Variants in APOL5 observed in about 807,000 individuals in gnomAD.
APOL5 encodes the protein apolipoprotein L, 5.
In APOL5, 29 loss-of-function variants were observed where a neutral mutation model predicts 35.5. That is an observed-to-expected ratio of 0.82 (90% CI 0.61 to 1.11). The LOEUF (loss-of-function observed/expected upper bound fraction) is 1.11, where lower values mean the gene tolerates loss of function less well. Among genes scored for constraint, APOL5 ranks in the 50% most tolerant of loss-of-function variants. The pLI is 0.00. For missense variants in APOL5, 514 were observed against 530.4 expected (o/e 0.97, Z 0.30); for synonymous variants, 188 against 200.2 (o/e 0.94, Z 0.51).
the APOL5 span, among the ~76,000 whole-genome samples, chr22:35,710,979 C>G: frequency 6.6e-6 from 1 of 152,202 alleles, no homozygotes; most frequent in Admixed American, 6.5e-5. Flanking sequence ...CCAGACTGGC[C>G]AACGTGGTGA....
At position 35,726,878 on chromosome 22, in the gene APOL5, C is replaced by T; in HGVS notation, c.810C>T (p.Phe270=). The part of the protein sequence containing the change: ...KNFVAKRHIP[F]WTARGVQRAF... ...TTGTGGCCAAGAGACACATCCCTTT[C>T]TGGACGGCTAGAGGGGTGCAGAGAG... is the stretch of plus-strand genomic sequence containing the variant. The change falls in exon 3 of 5, where the codon TTC becomes TTT. Residue 270 remains phenylalanine (F), a synonymous_variant. Coordinates refer to ENST00000249044, the MANE Select transcript of APOL5 (RefSeq NM_030642.1). The T allele has an allele frequency of 6.2e-7, 1 of 1,614,212 alleles. No individual in the cohort carries two copies.
At chr22:35,728,487 G>A (rs1293167811) in intron 3 of APOL5, among the ~76,000 whole-genome samples, 1 of 152,160 alleles carries the variant, frequency 6.6e-6, no homozygotes, top group African/African-American at 2.4e-5. Flanking sequence ...CCTCCCAAAG[G>A]GCTGGGATTA....
Position 35,726,935 on chromosome 22 carries a change from T to A in APOL5, c.867T>A (p.Asn289Lys). The change falls in exon 3 of 5, where the codon AAT becomes AAA. Residue 289 changes from asparagine to lysine, a missense_variant. Asn to Lys is a moderately conservative substitution (Grantham distance 94, BLOSUM62 0). This residue lies in a region of APOL5 where 238 missense variants were observed against 229.1 expected (regional missense o/e 1.04). Coordinates refer to ENST00000249044, the MANE Select transcript of APOL5 (RefSeq NM_030642.1). ...AFEGTTLAMT[N>K]GAWVMGAAGA... ...AGGGCACAACTCTGGCCATGACCAATGGTGCCTGGGTGATGGGTGCTGCTG... is the reference window on the plus strand; with the variant it reads ...AGGGCACAACTCTGGCCATGACCAAAGGTGCCTGGGTGATGGGTGCTGCTG... The A allele has an allele frequency of 6.2e-7, 1 of 1,614,178 alleles. No individual in the cohort carries two copies.
At chr22:35,728,311 C>A (rs1159376354) in intron 3 of APOL5, among the ~76,000 whole-genome samples, 1 of 152,196 alleles carries the variant, frequency 6.6e-6, no homozygotes, top group Non-Finnish European at 1.5e-5. Flanking sequence ...GCAAGCTCCG[C>A]CTCCCGGGTT....
intron 2 of APOL5, among the ~76,000 whole-genome samples, chr22:35,722,935 G>T (rs1927024319): frequency 6.6e-6 from 1 of 152,112 alleles, no homozygotes; most frequent in South Asian, 2.1e-4. Context: ...CTAAAACTTA[G>T]GTTGGAGAGG....
chr22:35,728,227 T>C (rs1239627438), intron 3 of APOL5, among the ~76,000 whole-genome samples: 1 of 152,236 alleles, frequency 6.6e-6, no homozygotes, highest in Admixed American at 6.5e-5. Context: ...TTTTGTTTTT[T>C]ATTTTTTATT....
rs569351551 is a variant in APOL5 at position 35,726,137 on chromosome 22, G to A, written c.143-74G>A. 1.5e-4 allele frequency: 229 copies of A among 1,526,966 alleles called. No individual in the cohort carries two copies. In the African/African-American group the frequency reaches 2.4e-3, roughly 16 times the overall value. The allele number at this position is 1,526,966 out of a possible 1,614,324, so 94.6% of individuals were successfully genotyped here. On this transcript the variant is annotated intron_variant, in intron 2 of 4. Coordinates refer to ENST00000249044, the MANE Select transcript of APOL5 (RefSeq NM_030642.1). ...TTAGAATTTTTGCAAAGGTGGTTTC[G>A]ACATTGTACCTCGATTCTCAGGGCT...
At chr22:35,722,500 C>T (rs1032660748) in intron 2 of APOL5, among the ~76,000 whole-genome samples, 7 of 152,152 alleles carry the variant, frequency 4.6e-5, no homozygotes, top group African/African-American at 1.7e-4. Flanking sequence ...AGGGTTTCAC[C>T]ACGTTGGCCA....
At chr22:35,717,117 G>A (rs1926770543), upstream of APOL5, among the ~76,000 whole-genome samples, 1 of 150,956 alleles carries the variant, frequency 6.6e-6, no homozygotes, top group African/African-American at 2.4e-5. Flanking sequence ...CAGGTGCAGT[G>A]GCTCACACCT....
Position 35,718,473 on chromosome 22 carries a change from G to C in APOL5, c.55+547G>C, listed in dbSNP as rs1926839675. ...TCTCTATTAAAAATACAAAAAATTA[G>C]CCAGGCTGGTAGTGCACACCTGTAG... On this transcript the variant is annotated intron_variant, in intron 1 of 4. Transcript: ENST00000249044. Among the ~76,000 whole-genome samples the C allele has an allele frequency of 1.3e-5, 2 of 150,980 alleles. 1 individual carries two copies. The highest frequency in any genetic ancestry group is 6.9e-3 in the Middle Eastern group (2 of 288).
chr22:35,724,219 T>C (rs1927069984), intron 2 of APOL5, among the ~76,000 whole-genome samples: 1 of 151,168 alleles, frequency 6.6e-6, no homozygotes, highest in Non-Finnish European at 1.5e-5. Flanking sequence ...TAGTCCCAGC[T>C]GCTGGAGAAG....
rs1485664212 is a variant in APOL5 at position 35,727,007 on chromosome 22, C to G, written c.939C>G (p.Ser313Arg). 3 of 1,613,976 alleles carry G rather than the reference C, an allele frequency of 1.9e-6. No individual in the cohort carries two copies. The highest frequency in any genetic ancestry group is 2.5e-6 in the Non-Finnish European group (3 of 1,179,990). ...LMKDMSSFLQ[S>R]WKHLEDGART... ...AAGACATGAGCAGCTTCCTGCAGAGCTGGAAGCACCTGGAGGATGGGGCAA... is the reference window on the plus strand; with the variant it reads ...AAGACATGAGCAGCTTCCTGCAGAGGTGGAAGCACCTGGAGGATGGGGCAA... The change falls in exon 3 of 5, where the codon AGC becomes AGG. Residue 313 changes from serine to arginine, a missense_variant. By Grantham distance (110) the Ser-to-Arg change is moderately radical. Around this residue, in one of 3 missense-constraint regions of APOL5, gnomAD observed 238 missense variants for 229.1 expected, o/e 1.04. Coordinates refer to ENST00000249044, the MANE Select transcript of APOL5 (RefSeq NM_030642.1).
upstream of APOL5, among the ~76,000 whole-genome samples, chr22:35,713,403 T>A (rs1407772260): frequency 6.6e-5 from 10 of 152,242 alleles, no homozygotes; most frequent in East Asian, 1.9e-3. Flanking sequence ...CCCTGCACCC[T>A]CTCTCTGGGG....
chr22:35,727,075 T>G lies in APOL5; in HGVS notation c.1007T>G (p.Leu336Arg). The G allele has an allele frequency of 6.2e-7, 1 of 1,613,258 alleles. No individual in the cohort carries two copies. ...AEELRALAKK[L>R]EQELDRLTQH... Reference sequence around the variant, plus strand: ...GAACTGAGAGCACTTGCTAAGAAGCTGGAGCAGGAGCTGGACCGGCTCACC... The same window carrying G: ...GAACTGAGAGCACTTGCTAAGAAGCGGGAGCAGGAGCTGGACCGGCTCACC... The change falls in exon 3 of 5, where the codon CTG becomes CGG. Residue 336 changes from leucine to arginine, a missense_variant. Physicochemically the swap from Leu to Arg is moderately radical, Grantham distance 102 (BLOSUM62 -2). Coordinates refer to ENST00000249044, the MANE Select transcript of APOL5 (RefSeq NM_030642.1).
chr22:35,713,138 C>T (rs1417043811), upstream of APOL5, among the ~76,000 whole-genome samples: 1 of 152,246 alleles, frequency 6.6e-6, no homozygotes, highest in Non-Finnish European at 1.5e-5. Flanking sequence ...TCTCCTCTTC[C>T]TCCCAAAGCC....
At chr22:35,728,359 G>A (rs1177819831) in intron 3 of APOL5, among the ~76,000 whole-genome samples, 3 of 152,286 alleles carry the variant, frequency 2.0e-5, no homozygotes, top group East Asian at 3.9e-4. Context: ...GAGTAGCTGG[G>A]ACTACAGGCG....
intron 1 of APOL5, 144 bp from the exon 2 acceptor site, chr22:35,720,424 G>C (rs1483393237): frequency 1.6e-6 from 1 of 642,120 alleles, no homozygotes; most frequent in East Asian, 2.7e-5. Context: ...ACATTTCTGA[G>C]ACATTAAGAT....
rs761542526 is a variant in APOL5 at position 35,726,468 on chromosome 22, C to A, written c.400C>A (p.Leu134Ile). ...ADQVDTTHEL[L>I]TKTSLVASSS... ...CCAAGTTGACACCACTCACGAGTTGCTTACCAAGACCAGCCTGGTGGCCAG... is the reference window on the plus strand; with the variant it reads ...CCAAGTTGACACCACTCACGAGTTGATTACCAAGACCAGCCTGGTGGCCAG... The change falls in exon 3 of 5, where the codon CTT (leucine) becomes ATT (isoleucine). Residue 134 changes from leucine (L) to isoleucine (I), a missense_variant. By Grantham distance (5) the Leu-to-Ile change is conservative. Coordinates refer to ENST00000249044, the MANE Select transcript of APOL5 (RefSeq NM_030642.1). The A allele has an allele frequency of 5.0e-6, 8 of 1,614,188 alleles. No individual in the cohort carries two copies. Among genetic ancestry groups the A allele is most frequent in the Non-Finnish European group, 5.9e-6 (7 of 1,180,036 alleles).
chr22:35,728,334 C>T (rs913174159), intron 3 of APOL5, among the ~76,000 whole-genome samples: 1 of 152,238 alleles, frequency 6.6e-6, no homozygotes, highest in Non-Finnish European at 1.5e-5. Context: ...CGCCATTCTC[C>T]TGCCTCAATC....
Sources: allele counts gnomAD v4.1 joint callset (sites outside exome capture counted in the v4.1 genomes callset), GRCh38; gene constraint gnomAD v4.1.1; regional missense constraint gnomAD v4.1.1; transcripts MANE v1.5; gene names NCBI Gene and HGNC (gene_info 2026-07-23, HGNC 2026-07-21).